The following AP3B1 variants were observed in gnomAD, a reference collection of about 807,000 sequenced individuals.
AP3B1 encodes the protein AP-3 complex subunit beta-1.
A neutral mutation model predicts 132.5 loss-of-function variants in AP3B1; 61 were observed. The observed-to-expected ratio is 0.46, with a 90% CI of 0.37 to 0.57. The LOEUF is 0.57. AP3B1 is among the 20% of genes least tolerant of loss of function. The pLI, the probability that AP3B1 is intolerant of heterozygous loss-of-function variation, is 0.00. For synonymous variants in AP3B1, 388 were observed against 438.3 expected (o/e 0.89, Z 1.43); for missense variants, 1,120 against 1,289.4 (o/e 0.87, Z 2.01).
intron 2 of AP3B1, among the ~76,000 whole-genome samples, chr5:78,243,450 T>C (rs141966944): frequency 1.8e-3 from 269 of 152,356 alleles, no homozygotes; most frequent in South Asian, 7.5e-3. Flanking sequence ...GCTGAGAAGA[T>C]ACTTTCTAGC....
At chr5:78,293,120 C>T (rs528920801) in intron 1 of AP3B1, among the ~76,000 whole-genome samples, 187 of 152,250 alleles carry the variant, frequency 1.2e-3, no homozygotes, top group African/African-American at 4.3e-3. Context: ...CTCAAGCGAT[C>T]CGCCCACCTC....
At chr5:78,097,323 G>A (rs1233097847) in intron 21 of AP3B1, among the ~76,000 whole-genome samples, 4 of 136,082 alleles carry the variant, frequency 2.9e-5, no homozygotes, top group African/African-American at 1.1e-4. Context: ...AGCCCCGTCC[G>A]GGAGGGAGGT....
At position 78,070,748 on chromosome 5, in the gene AP3B1, C is replaced by T. The variant is rs545130131; in HGVS notation, c.2577+18645G>A. On this transcript the variant is annotated intron_variant, in intron 22 of 26. Coordinates refer to ENST00000255194, the MANE Select transcript of AP3B1 (RefSeq NM_003664.5). ...AAAAAAAAAAACATTAAAAAGTGGG[C>T]AAAGGACATGAACAGACACTTCTCA... Among the ~76,000 whole-genome samples, 32 of 150,944 alleles carry T rather than the reference C, an allele frequency of 2.1e-4. 1 individual carries two copies. In the South Asian group the frequency reaches 6.7e-3, roughly 32 times the overall value.
At position 78,070,588 on chromosome 5, in the gene AP3B1, C is replaced by T. The variant is rs553551825; in HGVS notation, c.2577+18805G>A. On this transcript the variant is annotated intron_variant, in intron 22 of 26. Transcript: ENST00000255194. ...ATTTAATTAAACTAAAGAGCTTCTGCACAGCAAAAGAAACTATCATCAGGG... is the reference window on the plus strand; with the variant it reads ...ATTTAATTAAACTAAAGAGCTTCTGTACAGCAAAAGAAACTATCATCAGGG... 6.6e-5 allele frequency among the ~76,000 whole-genome samples: 10 copies of T among 151,914 alleles called. No homozygotes were observed. In the East Asian group the frequency reaches 1.9e-3, roughly 29 times the overall value.
chr5:78,066,933 C>T (rs2112154718), intron 22 of AP3B1, among the ~76,000 whole-genome samples: 1 of 152,244 alleles, frequency 6.6e-6, no homozygotes, highest in East Asian at 1.9e-4. Context: ...AGATCACCTA[C>T]AAAGGGAAGC....
intron 1 of AP3B1, among the ~76,000 whole-genome samples, chr5:78,283,924 C>T (rs577808668): frequency 3.3e-5 from 5 of 152,166 alleles, no homozygotes; most frequent in Non-Finnish European, 7.4e-5. Flanking sequence ...GCATGGTATG[C>T]AAAACTCTTC....
chr5:78,213,082 T>C (rs1745814583), intron 7 of AP3B1, among the ~76,000 whole-genome samples: 1 of 152,042 alleles, frequency 6.6e-6, no homozygotes, highest in African/African-American at 2.4e-5. Context: ...GGTTTCACCG[T>C]GTTAGCCAGG....
intron 7 of AP3B1, among the ~76,000 whole-genome samples, chr5:78,197,655 G>C (rs945113424): frequency 2.6e-5 from 4 of 152,076 alleles, no homozygotes; most frequent in Admixed American, 6.5e-5. Context: ...TATCTGAATG[G>C]ATTTCCTAAG....
intron 15 of AP3B1, among the ~76,000 whole-genome samples, chr5:78,130,859 T>C (rs977969851): frequency 1.2e-4 from 18 of 151,906 alleles, no homozygotes; most frequent in Non-Finnish European, 2.2e-4. Context: ...AGTCTCTTAA[T>C]TGCAATGATT....
intron 2 of AP3B1, among the ~76,000 whole-genome samples, chr5:78,261,424 GTCTTCTACCCATT>G (rs1251967158): frequency 2.0e-5 from 3 of 152,068 alleles, no homozygotes; most frequent in Non-Finnish European, 2.9e-5. Flanking sequence ...GTCTATTCCA[GTCTTCTACCCATT>G]TTTTCATTTG....
intron 6 of AP3B1, among the ~76,000 whole-genome samples, chr5:78,224,428 C>T (rs1158710662): frequency 6.6e-6 from 1 of 151,406 alleles, no homozygotes. Flanking sequence ...TAAGAAAAAG[C>T]AATAAAGGAG....
chr5:78,038,190 A>G (rs186255968), intron 23 of AP3B1, among the ~76,000 whole-genome samples: 2 of 152,316 alleles, frequency 1.3e-5, no homozygotes, highest in Non-Finnish European at 2.9e-5. Flanking sequence ...GCTCCAAGAA[A>G]AGTGAGATTT....
At chr5:78,194,796 G>C (rs1467473522) in intron 7 of AP3B1, among the ~76,000 whole-genome samples, 2 of 152,064 alleles carry the variant, frequency 1.3e-5, no homozygotes, top group African/African-American at 2.4e-5. Flanking sequence ...CATATTCCAA[G>C]GTAATGTGTA....
intron 22 of AP3B1, chr5:78,089,159 C>A (rs533619566): frequency 3.3e-5 from 15 of 448,396 alleles, no homozygotes; most frequent in Non-Finnish European, 4.9e-5. Flanking sequence ...TATAACAATA[C>A]CAGAGAAAAA....
At chr5:78,061,986 A>C (rs888517696) in intron 22 of AP3B1, among the ~76,000 whole-genome samples, 2 of 152,350 alleles carry the variant, frequency 1.3e-5, no homozygotes, top group Admixed American at 6.5e-5. Flanking sequence ...CTTTTTGTCA[A>C]ATGACCTGAA....
At chr5:78,154,343 G>A (rs1033952614) in intron 14 of AP3B1, among the ~76,000 whole-genome samples, 1 of 152,110 alleles carries the variant, frequency 6.6e-6, no homozygotes, top group African/African-American at 2.4e-5. Context: ...TCAATTGCAT[G>A]TTGTTTCTTT....
intron 16 of AP3B1, 69 bp from the exon 17 acceptor site, chr5:78,128,229 A>G: frequency 7.3e-7 from 1 of 1,374,582 alleles, no homozygotes; most frequent in Non-Finnish European, 1.0e-6. Flanking sequence ...AATCATAATC[A>G]GAGCTCAAGG....
At chr5:78,121,032 A>C (rs1321747843) in intron 17 of AP3B1, among the ~76,000 whole-genome samples, 1 of 152,244 alleles carries the variant, frequency 6.6e-6, no homozygotes, top group South Asian at 2.1e-4. Flanking sequence ...ACTCAGGATT[A>C]AGAAACTCAC....
At chr5:78,023,518 G>A (rs183977466) in intron 24 of AP3B1, among the ~76,000 whole-genome samples, 5 of 152,160 alleles carry the variant, frequency 3.3e-5, no homozygotes, top group African/African-American at 1.2e-4. Flanking sequence ...TAGGAGTCTG[G>A]AAGCAGTAAG....
Sources: allele counts gnomAD v4.1 joint callset (sites outside exome capture counted in the v4.1 genomes callset), GRCh38; gene constraint gnomAD v4.1.1; transcripts MANE v1.5; gene names NCBI Gene and HGNC (gene_info 2026-07-23, HGNC 2026-07-21).